DSC1: variants seen among roughly 807,000 people sequenced by gnomAD.
DSC1 encodes desmocollin 1.
Under a neutral mutation model 98.8 loss-of-function variants are expected in DSC1, and 79 were observed. The ratio of observed to expected loss-of-function variants is 0.80; its 90% CI spans 0.67 to 0.96. The LOEUF (loss-of-function observed/expected upper bound fraction) is 0.96. DSC1 is among the 50% of genes least tolerant of loss of function. The pLI, the probability that DSC1 is intolerant of heterozygous loss-of-function variation, is 0.00. For missense variants in DSC1, 1,115 were observed against 1,075.9 expected (o/e 1.04, Z -0.51); for synonymous variants, 405 against 372.1 (o/e 1.09, Z -1.02).
intron 5 of DSC1, among the ~76,000 whole-genome samples, chr18:31,152,427 C>G (rs557672317): frequency 9.1e-4 from 139 of 152,200 alleles, no homozygotes; most frequent in Non-Finnish European, 1.8e-3. Context: ...CAAATTATTT[C>G]AAATAAAAAT....
intron 14 of DSC1, 190 bp downstream of exon 14, chr18:31,132,374 CAGTT>C: frequency 1.7e-6 from 1 of 599,058 alleles, no homozygotes. Context: ...TTAAGTCACT[CAGTT>C]TGTTGTGACA....
rs182025205 is a variant in DSC1 at position 31,134,354 on chromosome 18, A to T, written c.1876+218T>A. Among the ~76,000 whole-genome samples, 393 of 152,192 alleles carry T rather than the reference A, an allele frequency of 2.6e-3. 3 individuals carry two copies. The highest frequency in any genetic ancestry group is 9.0e-3 in the African/African-American group (375 of 41,554). ...TTAACATGTTGCTCAAATGTTAATT[A>T]AAAAGGGACTTATATGTTTTCTTAA... On this transcript the variant is annotated intron_variant, in intron 12 of 15. Coordinates refer to ENST00000257198, the MANE Select transcript of DSC1 (RefSeq NM_024421.2).
chr18:31,141,868 A>G, intron 9 of DSC1, 131 bp downstream of exon 9: 2 of 864,772 alleles, frequency 2.3e-6, no homozygotes, highest in Admixed American at 3.5e-5. Context: ...AACAAAGTTT[A>G]TATAAACCAA....
At chr18:31,159,047 G>GGTTTTTTTTTTTT (rs1989154691) in intron 2 of DSC1, among the ~76,000 whole-genome samples, 1 of 71,098 alleles carries the variant, frequency 1.4e-5, no homozygotes. Context: ...CTACTATGTG[G>GGTTTTTTTTTTTT]TTTTTTTTTT....
chr18:31,130,951 C>T (rs1988475277), intron 15 of DSC1: 1 of 939,426 alleles, frequency 1.1e-6, no homozygotes, highest in Admixed American at 2.6e-5. Context: ...ACGCATATAT[C>T]ACGCAACACA....
chr18:31,130,360 A>G lies in DSC1; in HGVS notation c.*154T>C. 1 of 755,382 alleles carries G rather than the reference A, an allele frequency of 1.3e-6. No homozygotes were observed. Among genetic ancestry groups the G allele is most frequent in the Non-Finnish European group, 2.1e-6 (1 of 471,974 alleles). 46.8% of individuals were successfully genotyped at this position (755,382 alleles called of 1,614,324 possible). A position where few individuals can be genotyped will look rare whatever the true frequency, so the allele number is the denominator to read the frequency against. ...AACATGGAAGTTATACCAGACAAGGAGAATGTAGGGGAATCTCATATTTAT... is the reference window on the plus strand; with the variant it reads ...AACATGGAAGTTATACCAGACAAGGGGAATGTAGGGGAATCTCATATTTAT... On this transcript the variant is annotated 3_prime_UTR_variant, in exon 16 of 16. Coordinates refer to ENST00000257198, the MANE Select transcript of DSC1 (RefSeq NM_024421.2).
intron 6 of DSC1, among the ~76,000 whole-genome samples, chr18:31,147,545 T>A (rs1336505912): frequency 1.3e-5 from 2 of 152,054 alleles, no homozygotes; most frequent in Non-Finnish European, 2.9e-5. Context: ...TCCTTGAAAG[T>A]CAAGCATTTA....
At chr18:31,159,370 C>T (rs2143936008) in intron 2 of DSC1, 75 bp downstream of exon 2, 4 of 1,510,562 alleles carry the variant, frequency 2.6e-6, no homozygotes, top group Middle Eastern at 1.7e-4. Context: ...TGGTTTTTAT[C>T]CCAAACTTTA....
rs1988454781 is a variant in DSC1 at position 31,130,248 on chromosome 18, C to A, written c.*266G>T. ...AACATCAGTTTGCAAATAAAAGGTG[C>A]AAGAAGGTGTACAGTACAGTCGTGA... On this transcript the variant is annotated 3_prime_UTR_variant, in exon 16 of 16. Coordinates refer to ENST00000257198, the MANE Select transcript of DSC1 (RefSeq NM_024421.2). 8.2e-6 allele frequency: 3 copies of A among 366,898 alleles called. No individual in the cohort carries two copies. The highest frequency in any genetic ancestry group is 8.5e-5 in the Admixed American group (2 of 23,590). 22.7% of individuals were successfully genotyped at this position (366,898 alleles called of 1,614,324 possible).
intron 2 of DSC1, 147 bp from the exon 3 acceptor site, chr18:31,157,720 G>A (rs1431585634): frequency 6.8e-6 from 5 of 733,826 alleles, no homozygotes; most frequent in South Asian, 1.8e-5. Flanking sequence ...ATTCTAAAAC[G>A]TGGGGGCCAT....
chr18:31,151,821 C>G (rs1289941921), intron 5 of DSC1, among the ~76,000 whole-genome samples: 1 of 152,020 alleles, frequency 6.6e-6, no homozygotes, highest in Non-Finnish European at 1.5e-5. Flanking sequence ...ATTAACAGCA[C>G]ATATATGAAG....
intron 5 of DSC1, among the ~76,000 whole-genome samples, chr18:31,149,547 C>T (rs1279474891): frequency 1.3e-5 from 2 of 152,176 alleles, no homozygotes; most frequent in Non-Finnish European, 2.9e-5. Context: ...TCAGGTGACT[C>T]CAAATGCATT....
At chr18:31,150,669 A>G (rs1988984818) in intron 5 of DSC1, 1 of 152,772 alleles carries the variant, frequency 6.5e-6, no homozygotes, top group South Asian at 2.1e-4. Flanking sequence ...AGGTATCAAC[A>G]TCAGTCACCC....
chr18:31,162,417 C>T, intron 1 of DSC1, 115 bp downstream of exon 1: 1 of 969,930 alleles, frequency 1.0e-6, no homozygotes, highest in Admixed American at 2.0e-5. Flanking sequence ...TTTGTTTTCC[C>T]CAATCTCTCT....
At position 31,130,528 on chromosome 18, in the gene DSC1, A is replaced by T. The variant is rs374648965; in HGVS notation, c.2671T>A (p.Cys891Ser). ...EPKFRTLAKTCIKK is the reference protein window; with the variant it reads ...EPKFRTLAKTSIKK Reference sequence around the variant, plus strand: ...AAAAGGCACATTTATTTCTTGATGCATGTCTTTGCTAATGTCCTAAATTTG... The same window carrying T: ...AAAAGGCACATTTATTTCTTGATGCTTGTCTTTGCTAATGTCCTAAATTTG... The change falls in exon 16 of 16, where the codon TGC becomes AGC. Residue 891 changes from cysteine to serine, a missense_variant. Coordinates refer to ENST00000257198, the MANE Select transcript of DSC1 (RefSeq NM_024421.2). The T allele has an allele frequency of 5.8e-5, 94 of 1,614,002 alleles. No homozygotes were observed. Among genetic ancestry groups the T allele is most frequent in the Admixed American group, 3.5e-4 (21 of 59,998 alleles).
chr18:31,139,676 C>A (rs754105397), intron 11 of DSC1, 72 bp downstream of exon 11: 6 of 1,372,234 alleles, frequency 4.4e-6, no homozygotes, highest in Admixed American at 2.6e-5. Context: ...TAGAAATAAA[C>A]AGATTTCACC....
At chr18:31,158,270 A>T (rs185158513) in intron 2 of DSC1, among the ~76,000 whole-genome samples, 2 of 152,328 alleles carry the variant, frequency 1.3e-5, no homozygotes, top group East Asian at 3.9e-4. Flanking sequence ...TTGTCTCTAA[A>T]TAAATAAATA....
At chr18:31,134,888 G>T in intron 11 of DSC1, 104 bp from the exon 12 acceptor site, 1 of 1,056,796 alleles carries the variant, frequency 9.5e-7, no homozygotes, top group Non-Finnish European at 1.4e-6. Flanking sequence ...AGCTGTCTGA[G>T]CTTGAGTTCG....
In DSC1 at chr18:31,134,060, T is replaced by C. The variant is rs1043763368; in HGVS notation, c.1947A>G (p.Lys649=). The part of the protein sequence containing the change: ...YNYYSVPIQI[K]DRHGLVATHM... The stretch of plus-strand genomic sequence containing the variant: ...GTGTTGCAACTAAACCATGCCTGTC[T>C]TTTATTTGAATAGGCACAGAATAAT... The change falls in exon 13 of 16, where the codon AAA becomes AAG. Residue 649 remains lysine (K), a synonymous_variant. Coordinates refer to ENST00000257198, the MANE Select transcript of DSC1 (RefSeq NM_024421.2). 7 of 1,612,062 alleles carry C rather than the reference T, an allele frequency of 4.3e-6. No individual in the cohort carries two copies. Among genetic ancestry groups the C allele is most frequent in the Non-Finnish European group, 5.9e-6 (7 of 1,179,562 alleles).
Sources: allele counts gnomAD v4.1 joint callset (sites outside exome capture counted in the v4.1 genomes callset), GRCh38; gene constraint gnomAD v4.1.1; transcripts MANE v1.5; gene names NCBI Gene and HGNC (gene_info 2026-07-23, HGNC 2026-07-21).